TRMT11: variants seen among roughly 807,000 people sequenced by gnomAD.
TRMT11 encodes the protein tRNA methyltransferase 11.
A neutral mutation model predicts 62.8 loss-of-function variants in TRMT11; 53 were observed. The observed-to-expected ratio is 0.84, with a 90% CI of 0.68 to 1.06. TRMT11 has a LOEUF of 1.06. Ranked by LOEUF, TRMT11 falls within the 50% of genes least tolerant of loss-of-function variation. The pLI, the probability that TRMT11 is intolerant of heterozygous loss-of-function variation, is 0.00. For missense variants in TRMT11, 556 were observed against 553.4 expected (o/e 1.00, Z -0.05); for synonymous variants, 188 against 190.3 (o/e 0.99, Z 0.10).
chr6:126,024,388 A>T (rs1282974703), intron 12 of TRMT11, among the ~76,000 whole-genome samples: 9 of 152,152 alleles, frequency 5.9e-5, no homozygotes, highest in Non-Finnish European at 1.2e-4. Context: ...GTGCATCTGC[A>T]CTTCTGGTGT....
rs148102670 is a variant in TRMT11, at chr6:126,195,753, G to A, written n.144-3046G>A. On this transcript the variant is annotated intron_variant and non_coding_transcript_variant, in intron 1 of 3. Transcript: ENST00000444229. ...CAATCATGGTTGTTTCCCTTATTTGGGATTGGCTTAGGCAGGTGATGCAAT... is the reference window on the plus strand; with the variant it reads ...CAATCATGGTTGTTTCCCTTATTTGAGATTGGCTTAGGCAGGTGATGCAAT... 5.0e-3 allele frequency among the ~76,000 whole-genome samples: 756 copies of A among 152,256 alleles called. 3 individuals are homozygous for A. Among genetic ancestry groups the A allele is most frequent in the Middle Eastern group, 0.01 (3 of 294 alleles).
the TRMT11 span, among the ~76,000 whole-genome samples, chr6:126,261,035 TC>T: frequency 1.3e-5 from 2 of 152,210 alleles, no homozygotes; most frequent in Non-Finnish European, 2.9e-5. Context: ...TTTCTTTATT[TC>T]TTCTCCCTCT....
the TRMT11 span, among the ~76,000 whole-genome samples, chr6:126,229,532 T>A: frequency 6.6e-6 from 1 of 152,244 alleles, no homozygotes; most frequent in Non-Finnish European, 1.5e-5. Context: ...TATCCTGCCT[T>A]TAAGTTCAAC....
In TRMT11 at chr6:126,021,214, C is replaced by A. The variant is rs142685524; in HGVS notation, c.1194C>A (p.Cys398Ter). Residue 398 changes from cysteine to a stop codon, truncating the protein, a stop_gained, in exon 12 of 13, where the codon TGC becomes TGA. Coordinates refer to ENST00000334379, the MANE Select transcript of TRMT11 (RefSeq NM_001031712.3). LOFTEE classifies it high-confidence loss of function. The stretch of plus-strand genomic sequence containing the variant: ...CTTGCCTGGAACTCGTTAGCAACTG[C>A]GAGCAGAAGCTTTCCAGTCACACAT... The part of the protein sequence containing the change: ...WHPCLELVSN[C>*]EQKLSSHTSR... 1 of 1,613,982 alleles carries A rather than the reference C, an allele frequency of 6.2e-7. No homozygotes were observed. The highest frequency in any genetic ancestry group is 1.3e-5 in the African/African-American group (1 of 74,906).
chr6:126,005,402 G>T (rs1377924702), intron 7 of TRMT11, among the ~76,000 whole-genome samples: 1 of 151,938 alleles, frequency 6.6e-6, no homozygotes, highest in Non-Finnish European at 1.5e-5. Flanking sequence ...AACTTGTCTG[G>T]GTTTCACGTC....
intron 21 of TRMT11, among the ~76,000 whole-genome samples, chr6:126,159,622 G>A (rs1778166242): frequency 6.6e-6 from 1 of 152,140 alleles, no homozygotes; most frequent in African/African-American, 2.4e-5. Flanking sequence ...AGTTTCCTAT[G>A]TCTGCCATAA....
At chr6:126,194,149 A>C (rs1041538396) in intron 1 of TRMT11, among the ~76,000 whole-genome samples, 3 of 152,152 alleles carry the variant, frequency 2.0e-5, no homozygotes, top group African/African-American at 7.2e-5. Context: ...TGGTCTGTAA[A>C]TGTATGTTAG....
At chr6:126,127,269 T>C (rs1011531694) in intron 21 of TRMT11, among the ~76,000 whole-genome samples, 7 of 152,038 alleles carry the variant, frequency 4.6e-5, no homozygotes, top group African/African-American at 1.7e-4. Context: ...GGGAAGAGTA[T>C]GCTTGGAGAA....
intron 21 of TRMT11, among the ~76,000 whole-genome samples, chr6:126,138,625 T>C (rs142436955): frequency 1.4e-3 from 217 of 152,156 alleles, no homozygotes; most frequent in African/African-American, 5.0e-3. Flanking sequence ...TTAAGGCAAA[T>C]ATTTAATTTG....
At chr6:126,156,759 G>A (rs1173871336) in intron 21 of TRMT11, among the ~76,000 whole-genome samples, 3 of 152,064 alleles carry the variant, frequency 2.0e-5, no homozygotes, top group Admixed American at 6.6e-5. Flanking sequence ...TTAAACAACC[G>A]AATCTAGCAA....
intron 16 of TRMT11, among the ~76,000 whole-genome samples, chr6:126,045,750 A>G (rs763908763): frequency 7.2e-5 from 11 of 152,118 alleles, no homozygotes; most frequent in Non-Finnish European, 1.3e-4. Flanking sequence ...TAGGTGAATC[A>G]TTAGAACTTT....
the TRMT11 span, among the ~76,000 whole-genome samples, chr6:126,216,504 A>T: frequency 6.6e-6 from 1 of 151,944 alleles, no homozygotes; most frequent in African/African-American, 2.4e-5. Flanking sequence ...ATTGATTTCT[A>T]GTTTTATTCC....
chr6:126,116,816 A>T (rs752276257), intron 21 of TRMT11, among the ~76,000 whole-genome samples: 1 of 152,098 alleles, frequency 6.6e-6, no homozygotes, highest in Non-Finnish European at 1.5e-5. Flanking sequence ...ATGAGCTGTA[A>T]TGAGTAGAAT....
the TRMT11 span, among the ~76,000 whole-genome samples, chr6:126,212,364 T>C: frequency 1.3e-5 from 2 of 152,174 alleles, no homozygotes; most frequent in South Asian, 2.1e-4. Context: ...TCCATAGTGG[T>C]TGTACTAATT....
At chr6:126,237,377 C>A in the TRMT11 span, among the ~76,000 whole-genome samples, 19 of 152,224 alleles carry the variant, frequency 1.2e-4, no homozygotes, top group African/African-American at 3.9e-4. Flanking sequence ...GTCAGATTAT[C>A]TTAAATTTAA....
upstream of TRMT11, among the ~76,000 whole-genome samples, chr6:126,172,813 C>A (rs1038174508): frequency 6.6e-6 from 1 of 152,010 alleles, no homozygotes; most frequent in Non-Finnish European, 1.5e-5. Flanking sequence ...CTGTAAAAGT[C>A]TCTGATACAT....
intron 21 of TRMT11, among the ~76,000 whole-genome samples, chr6:126,139,377 A>C (rs1001618182): frequency 1.3e-5 from 2 of 151,938 alleles, no homozygotes; most frequent in Non-Finnish European, 2.9e-5. Context: ...ATATATATAA[A>C]TATTTTTTCA....
chr6:126,119,986 A>C (rs1364035650), intron 21 of TRMT11, among the ~76,000 whole-genome samples: 1 of 152,120 alleles, frequency 6.6e-6, no homozygotes, highest in East Asian at 1.9e-4. Flanking sequence ...AAAAGTGACC[A>C]AATAAAGCTT....
chr6:126,089,398 C>T (rs997669107), intron 17 of TRMT11, among the ~76,000 whole-genome samples: 7 of 152,068 alleles, frequency 4.6e-5, no homozygotes, highest in East Asian at 1.9e-4. Context: ...AGGAGTGAGC[C>T]GCCGCACCCA....
Sources: gnomAD v4.1 joint callset for allele counts (sites outside exome capture counted in the v4.1 genomes callset) on GRCh38, gnomAD v4.1.1 for gene constraint, MANE v1.5 for transcripts, NCBI Gene and HGNC (gene_info 2026-07-23, HGNC 2026-07-21) for gene names.